The following RORA variants were observed in gnomAD, a reference collection of about 807,000 sequenced individuals.
The protein encoded by RORA is nuclear receptor ROR-alpha.
In RORA, 7 loss-of-function variants were observed where a neutral mutation model predicts 69.5. The observed-to-expected ratio is 0.10, with a 90% CI of 0.06 to 0.19. The LOEUF is 0.19. Ranked by LOEUF, RORA falls within the 10% of genes least tolerant of loss-of-function variation. The pLI, the probability that RORA is intolerant of heterozygous loss-of-function variation, is 1.00. For missense variants in RORA, 457 were observed against 663.0 expected (o/e 0.69, Z 3.41); for synonymous variants, 261 against 240.8 (o/e 1.08, Z -0.78).
chr15:60,843,852 C>A (rs986788383), intron 1 of RORA, among the ~76,000 whole-genome samples: 1 of 152,204 alleles, frequency 6.6e-6, no homozygotes, highest in Non-Finnish European at 1.5e-5. Flanking sequence ...AATCTTAAAG[C>A]ATACCCTGAA....
chr15:61,140,432 C>A (rs536395185), intron 1 of RORA, among the ~76,000 whole-genome samples: 2 of 152,310 alleles, frequency 1.3e-5, no homozygotes, highest in African/African-American at 4.8e-5. Context: ...ATGCCATCTC[C>A]TTCAACATAT....
At chr15:61,171,297 C>A (rs1240587422) in intron 1 of RORA, among the ~76,000 whole-genome samples, 1 of 152,146 alleles carries the variant, frequency 6.6e-6, no homozygotes, top group Admixed American at 6.5e-5. Flanking sequence ...TTGCTAGGAA[C>A]AGGAGAGCCC....
chr15:60,515,993 A>ATATTTATATATATT lies in RORA; in HGVS notation c.283-1237_283-1236insAATATATATAAATA, dbSNP rs1567051201. Among the ~76,000 whole-genome samples, 10 of 6,200 alleles carry ATATTTATATATATT rather than the reference A, an allele frequency of 1.6e-3. 1 individual carries two copies. The highest frequency in any genetic ancestry group is 4.3e-3 in the African/African-American group (7 of 1,628). The allele number at this position is 6,200 out of a possible 152,430, so 4.1% of individuals were successfully genotyped here. The stretch of plus-strand genomic sequence containing the variant: ...TATATTTATATATTTATATATATTT[A>ATATTTATATATATT]TATATATTTATATATATTTATATAT... On this transcript the variant is annotated intron_variant, in intron 3 of 10. Transcript: ENST00000335670.
rs551877936 is a variant in RORA at position 61,150,107 on chromosome 15, T to G, written c.166+78946A>C. Among the ~76,000 whole-genome samples, 3 of 152,344 alleles carry G rather than the reference T, an allele frequency of 2.0e-5. No individual in the cohort carries two copies. The South Asian group carries it at 6.2e-4, about 32-fold the overall frequency. On this transcript the variant is annotated intron_variant, in intron 1 of 10. Transcript: ENST00000335670. ...TCCTTTCTATGTGGAGAGACAGGAC[T>G]AACACCCCTTATAAATTAACTCCCA...
At chr15:61,100,511 G>A (rs905133073) in intron 1 of RORA, among the ~76,000 whole-genome samples, 1 of 152,180 alleles carries the variant, frequency 6.6e-6, no homozygotes, top group Admixed American at 6.5e-5. Context: ...GCAGAACAGT[G>A]TGCCCTTCTC....
intron 1 of RORA, among the ~76,000 whole-genome samples, chr15:60,782,658 C>T (rs145591348): frequency 6.6e-6 from 1 of 152,150 alleles, no homozygotes; most frequent in Non-Finnish European, 1.5e-5. Context: ...CTATGAGAAG[C>T]AAAGTTTCCC....
At chr15:60,694,328 T>C (rs2070871253) in intron 1 of RORA, among the ~76,000 whole-genome samples, 1 of 152,184 alleles carries the variant, frequency 6.6e-6, no homozygotes, top group South Asian at 2.1e-4. Flanking sequence ...GCTCCTCCCA[T>C]GCCCACATCA....
chr15:60,555,583 G>A (rs2067334148), intron 2 of RORA, among the ~76,000 whole-genome samples: 1 of 151,996 alleles, frequency 6.6e-6, no homozygotes, highest in South Asian at 2.1e-4. Context: ...ATTCTGTTTG[G>A]TACTAGGTTA....
chr15:60,829,360 G>T (rs890012456), intron 1 of RORA, among the ~76,000 whole-genome samples: 4 of 152,176 alleles, frequency 2.6e-5, no homozygotes, highest in African/African-American at 9.7e-5. Context: ...AGTGAGCAGG[G>T]GGCAGTGAGG....
At chr15:61,129,391 A>C (rs1379466317) in intron 1 of RORA, among the ~76,000 whole-genome samples, 3 of 152,200 alleles carry the variant, frequency 2.0e-5, no homozygotes, top group African/African-American at 7.2e-5. Context: ...GAATATCTAG[A>C]AAAGGCAAAT....
chr15:61,019,811 C>T (rs543450054), intron 1 of RORA, among the ~76,000 whole-genome samples: 1 of 152,206 alleles, frequency 6.6e-6, no homozygotes, highest in African/African-American at 2.4e-5. Flanking sequence ...GACCACCTCT[C>T]CAATGGCTGG....
intron 1 of RORA, among the ~76,000 whole-genome samples, chr15:60,740,219 T>C (rs1400245651): frequency 6.6e-6 from 1 of 152,146 alleles, no homozygotes; most frequent in Non-Finnish European, 1.5e-5. Context: ...AAGGATTCTA[T>C]AAACCCCAAC....
At chr15:60,813,952 T>C (rs1595734870) in intron 1 of RORA, among the ~76,000 whole-genome samples, 2 of 152,298 alleles carry the variant, frequency 1.3e-5, no homozygotes, top group East Asian at 3.9e-4. Flanking sequence ...TAGTTCCATG[T>C]TATGGGGGAG....
At chr15:61,172,633 C>T (rs1231854235) in intron 1 of RORA, among the ~76,000 whole-genome samples, 1 of 152,184 alleles carries the variant, frequency 6.6e-6, no homozygotes, top group African/African-American at 2.4e-5. Context: ...TCAGAGACTG[C>T]TTATCACCAC....
intron 1 of RORA, among the ~76,000 whole-genome samples, chr15:61,098,806 T>C (rs1458804766): frequency 6.6e-6 from 1 of 152,254 alleles, no homozygotes; most frequent in Non-Finnish European, 1.5e-5. Flanking sequence ...TCTTGATTAC[T>C]GTTATTGGAA....
At chr15:61,119,353 GTGCC>G (rs1361194940) in intron 1 of RORA, among the ~76,000 whole-genome samples, 1 of 151,242 alleles carries the variant, frequency 6.6e-6, no homozygotes, top group African/African-American at 2.4e-5. Flanking sequence ...ATGTACCACC[GTGCC>G]TGCCTAAGGT....
intron 1 of RORA, among the ~76,000 whole-genome samples, chr15:60,949,156 C>A (rs1892998458): frequency 1.3e-5 from 2 of 152,106 alleles, no homozygotes; most frequent in South Asian, 4.1e-4. Flanking sequence ...CTTGTTACAC[C>A]CAGTAGCACA....
At chr15:60,552,001 G>T (rs1046551361) in intron 2 of RORA, among the ~76,000 whole-genome samples, 1 of 152,210 alleles carries the variant, frequency 6.6e-6, no homozygotes, top group Non-Finnish European at 1.5e-5. Context: ...TTGAACTTCG[G>T]TAGCCACAGG....
At chr15:61,086,229 A>G (rs1053240263) in intron 1 of RORA, among the ~76,000 whole-genome samples, 3 of 152,258 alleles carry the variant, frequency 2.0e-5, no homozygotes, top group African/African-American at 7.2e-5. Flanking sequence ...GCATACGTCC[A>G]TGATCACAGA....
Sources: gnomAD v4.1 joint callset for allele counts (sites outside exome capture counted in the v4.1 genomes callset) on GRCh38, gnomAD v4.1.1 for gene constraint, MANE v1.5 for transcripts, NCBI Gene and HGNC (gene_info 2026-07-23, HGNC 2026-07-21) for gene names.